ANXA2: variants seen among roughly 807,000 people sequenced by gnomAD.
ANXA2 encodes the protein annexin A2.
Under a neutral mutation model 47.3 loss-of-function variants are expected in ANXA2, and 28 were observed. The observed-to-expected ratio is 0.59, with a 90% CI of 0.44 to 0.81. The LOEUF (loss-of-function observed/expected upper bound fraction) is 0.81. Ranked by LOEUF, ANXA2 falls within the 40% of genes least tolerant of loss-of-function variation. ANXA2 has a pLI of 0.00. For missense variants in ANXA2, 384 were observed against 414.3 expected (o/e 0.93, Z 0.64); for synonymous variants, 172 against 155.5 (o/e 1.11, Z -0.79).
intron 3 of ANXA2, among the ~76,000 whole-genome samples, chr15:60,374,057 A>G (rs1418577709): frequency 2.0e-5 from 3 of 152,160 alleles, no homozygotes; most frequent in Admixed American, 6.5e-5. Flanking sequence ...CACAGTCTCA[A>G]CTCGGGGAAA....
intron 12 of ANXA2, among the ~76,000 whole-genome samples, chr15:60,348,822 G>A (rs567475086): frequency 3.3e-5 from 5 of 151,904 alleles, no homozygotes; most frequent in East Asian, 3.9e-4. Context: ...CAGGATCATC[G>A]TCATGAACAC....
chr15:60,373,617 T>C (rs2062738848), intron 3 of ANXA2, among the ~76,000 whole-genome samples: 1 of 152,188 alleles, frequency 6.6e-6, no homozygotes, highest in African/African-American at 2.4e-5. Context: ...GGGAGGCCTC[T>C]GGATAAGTAG....
intron 1 of ANXA2, among the ~76,000 whole-genome samples, chr15:60,392,033 T>C (rs2063018676): frequency 6.6e-6 from 1 of 152,164 alleles, no homozygotes; most frequent in South Asian, 2.1e-4. Context: ...CAGAGAACGT[T>C]TTTCTGTTTA....
chr15:60,380,635 T>C (rs62004986), intron 3 of ANXA2, among the ~76,000 whole-genome samples: 11,791 of 151,314 alleles, frequency 0.078, 522 homozygotes, highest in East Asian at 0.16. Context: ...AGAAACCCTG[T>C]CTCTACTAAA....
At chr15:60,379,080 A>C (rs567874759) in intron 3 of ANXA2, among the ~76,000 whole-genome samples, 5 of 152,204 alleles carry the variant, frequency 3.3e-5, no homozygotes, top group Non-Finnish European at 7.4e-5. Flanking sequence ...GGAGTTCAAG[A>C]CCAGCCTGCC....
At chr15:60,378,236 T>A (rs1342645874) in intron 3 of ANXA2, among the ~76,000 whole-genome samples, 1 of 152,230 alleles carries the variant, frequency 6.6e-6, no homozygotes, top group African/African-American at 2.4e-5. Context: ...TGGTGATGAC[T>A]GCACAACTCT....
intron 2 of ANXA2, chr15:60,384,877 T>A (rs142251708): frequency 2.1e-4 from 32 of 152,350 alleles, no homozygotes; most frequent in African/African-American, 7.2e-4. Context: ...AAAGAATATT[T>A]TGAAAGATCT....
chr15:60,370,750 G>A (rs1488656861), intron 3 of ANXA2, among the ~76,000 whole-genome samples: 3 of 152,168 alleles, frequency 2.0e-5, no homozygotes, highest in Non-Finnish European at 2.9e-5. Context: ...TGCCTCCCTT[G>A]ATTTATACTC....
At chr15:60,368,342 A>AAAAT (rs1310654075) in intron 3 of ANXA2, among the ~76,000 whole-genome samples, 23 of 147,766 alleles carry the variant, frequency 1.6e-4, no homozygotes, top group South Asian at 1.1e-3. Context: ...AAAATAAAAT[A>AAAAT]AAAATAAATC....
At chr15:60,396,394 T>C (rs1595715817) in intron 1 of ANXA2, 1 of 152,126 alleles carries the variant, frequency 6.6e-6, no homozygotes, top group African/African-American at 2.4e-5. Flanking sequence ...GGATGGCTGT[T>C]GTAATGCGTC....
At chr15:60,376,803 G>A (rs1445961597) in intron 3 of ANXA2, among the ~76,000 whole-genome samples, 1 of 152,180 alleles carries the variant, frequency 6.6e-6, no homozygotes, top group East Asian at 1.9e-4. Context: ...TCCCACTCCA[G>A]GCCTGCTCCT....
At chr15:60,393,230 C>T in intron 1 of ANXA2, 2 of 1,084,030 alleles carry the variant, frequency 1.8e-6, no homozygotes, top group Non-Finnish European at 2.3e-6. Context: ...TTGTTTGCTC[C>T]CTACTGACTT....
At chr15:60,389,284 C>T (rs985038975) in intron 1 of ANXA2, among the ~76,000 whole-genome samples, 3 of 152,198 alleles carry the variant, frequency 2.0e-5, no homozygotes, top group African/African-American at 4.8e-5. Context: ...GAGTTGTTTC[C>T]ACTTAGAGAG....
At chr15:60,370,003 C>G (rs2062691005) in intron 3 of ANXA2, among the ~76,000 whole-genome samples, 1 of 152,202 alleles carries the variant, frequency 6.6e-6, no homozygotes, top group African/African-American at 2.4e-5. Context: ...AGCTAAGTGT[C>G]CAGCCAGCAC....
chr15:60,374,742 G>T, intron 3 of ANXA2: 1 of 455,908 alleles, frequency 2.2e-6, no homozygotes, highest in Non-Finnish European at 4.4e-6. Context: ...AGAGTCACAG[G>T]GTGGCTGTGA....
intron 1 of ANXA2, chr15:60,386,289 C>A: frequency 3.7e-6 from 2 of 544,138 alleles, no homozygotes; most frequent in Middle Eastern, 3.6e-4. Flanking sequence ...GGATGGACTA[C>A]TAAACTAGCC....
chr15:60,385,883 G>C, intron 2 of ANXA2, 145 bp downstream of exon 2: 1 of 548,210 alleles, frequency 1.8e-6, no homozygotes, highest in Non-Finnish European at 3.2e-6. Context: ...AGGAACAGCT[G>C]AAGTATTAAG....
Position 60,349,216 on chromosome 15 carries a change from T to C in ANXA2, c.838-19A>G, listed in dbSNP as rs766696969. On this transcript the variant is annotated intron_variant, in intron 11 of 12. Coordinates refer to ENST00000451270, the MANE Select transcript of ANXA2 (RefSeq NM_004039.3). ...CCTTGCCCTGAAAATCAAGTTGATA[T>C]TTGTTACATTCGCTGAGAATGTTAT... The C allele has an allele frequency of 9.9e-6, 16 of 1,613,196 alleles. No individual in the cohort carries two copies. The highest frequency in any genetic ancestry group is 2.7e-5 in the African/African-American group (2 of 74,922).
chr15:60,377,189 A>G (rs985418301), intron 3 of ANXA2, among the ~76,000 whole-genome samples: 2 of 152,200 alleles, frequency 1.3e-5, no homozygotes, highest in African/African-American at 4.8e-5. Context: ...AAGGCATTCT[A>G]AAAAAAGAAG....
Sources: gnomAD v4.1 joint callset for allele counts (sites outside exome capture counted in the v4.1 genomes callset) on GRCh38, gnomAD v4.1.1 for gene constraint, MANE v1.5 for transcripts, NCBI Gene and HGNC (gene_info 2026-07-23, HGNC 2026-07-21) for gene names.